PPP2R3A: variants seen among roughly 807,000 people sequenced by gnomAD.
PPP2R3A encodes the protein protein phosphatase 2 regulatory subunit B''alpha, also known as serine/threonine-protein phosphatase 2A regulatory subunit B'' subunit alpha.
PPP2R3A carries 80 observed loss-of-function variants against 106.9 expected under a neutral mutation model. The observed-to-expected ratio is 0.75, with a 90% CI of 0.62 to 0.90. The LOEUF (loss-of-function observed/expected upper bound fraction) is 0.90. Ranked by LOEUF, PPP2R3A falls within the 40% of genes least tolerant of loss-of-function variation. The pLI is 0.00. For synonymous variants in PPP2R3A, 483 were observed against 468.3 expected (o/e 1.03, Z -0.41); for missense variants, 1,386 against 1,350.4 (o/e 1.03, Z -0.41).
chr3:136,124,516 A>G (rs980544140), intron 13 of PPP2R3A, among the ~76,000 whole-genome samples: 1 of 152,122 alleles, frequency 6.6e-6, no homozygotes, highest in African/African-American at 2.4e-5. Flanking sequence ...GATGTTTTCT[A>G]AGCACCCTAA....
rs572057738 is a variant in PPP2R3A at position 136,002,608 on chromosome 3, A to G, written c.1110A>G (p.Pro370=). Residue 370 remains proline, a synonymous_variant, in exon 2 of 14, where the codon CCA becomes CCG. Transcript: ENST00000264977. ...AGATGGACACTGTACAATCCATTCC[A>G]AACAACTCCACAAATTCCTTATATA... ...SRKMDTVQSI[P]NNSTNSLYNL... 3.7e-6 allele frequency: 6 copies of G among 1,613,952 alleles called. No homozygotes were observed. In the East Asian group the frequency reaches 1.3e-4, roughly 36 times the overall value.
intron 3 of PPP2R3A, among the ~76,000 whole-genome samples, chr3:136,039,141 C>T (rs893050166): frequency 3.3e-4 from 51 of 152,282 alleles, no homozygotes; most frequent in African/African-American, 1.2e-3. Context: ...CCCCTGTGCA[C>T]TGAAGTCTCA....
At chr3:136,129,913 C>T (rs1938336074) in intron 13 of PPP2R3A, among the ~76,000 whole-genome samples, 1 of 152,148 alleles carries the variant, frequency 6.6e-6, no homozygotes, top group African/African-American at 2.4e-5. Flanking sequence ...ATGACAAAAA[C>T]CACACGATTA....
At chr3:136,010,197 CTATTTCTAT>C (rs1391958757) in intron 2 of PPP2R3A, among the ~76,000 whole-genome samples, 3 of 151,766 alleles carry the variant, frequency 2.0e-5, no homozygotes, top group Admixed American at 6.6e-5. Context: ...CCCTTTCCTT[CTATTTCTAT>C]TATTTCTATA....
Position 136,049,347 on chromosome 3 carries a change from A to G in PPP2R3A, c.2455A>G (p.Ile819Val). The G allele has an allele frequency of 2.5e-6, 4 of 1,610,820 alleles. No individual in the cohort carries two copies. Among genetic ancestry groups the G allele is most frequent in the Non-Finnish European group, 3.4e-6 (4 of 1,177,946 alleles). The change falls in exon 5 of 14, where the codon ATC becomes GTC. Residue 819 changes from isoleucine to valine, a missense_variant. Coordinates refer to ENST00000264977, the MANE Select transcript of PPP2R3A (RefSeq NM_002718.5). Reference sequence around the variant, plus strand: ...CAGCTCTCTAGAACAGGAGGATTTCATCCCTCTACTTCAGGTAATTTTCAT... The same window carrying G: ...CAGCTCTCTAGAACAGGAGGATTTCGTCCCTCTACTTCAGGTAATTTTCAT... The part of the protein sequence containing the change: ...NCSSLEQEDF[I>V]PLLQDVVDTH...
At chr3:136,048,399 G>A (rs1376132180) in intron 4 of PPP2R3A, among the ~76,000 whole-genome samples, 1 of 152,120 alleles carries the variant, frequency 6.6e-6, no homozygotes, top group Non-Finnish European at 1.5e-5. Context: ...TAGGCCAGGC[G>A]CCGTGGCTCA....
intron 1 of PPP2R3A, among the ~76,000 whole-genome samples, chr3:135,971,503 T>C (rs1937245403): frequency 6.6e-6 from 1 of 152,118 alleles, no homozygotes; most frequent in African/African-American, 2.4e-5. Context: ...GAACAGAAAA[T>C]ATAAGGGGTG....
intron 13 of PPP2R3A, chr3:136,106,660 G>A (rs967701437): frequency 3.8e-5 from 9 of 236,676 alleles, no homozygotes; most frequent in Admixed American, 1.1e-4. Flanking sequence ...GGTGGCTCAC[G>A]CCTGTAATCT....
At chr3:136,075,110 A>G (rs1345216586) in intron 6 of PPP2R3A, among the ~76,000 whole-genome samples, 2 of 152,206 alleles carry the variant, frequency 1.3e-5, no homozygotes, top group African/African-American at 4.8e-5. Flanking sequence ...AGAGCCATCA[A>G]ACATTTCCAT....
chr3:136,108,078 T>C (rs1240798707), intron 13 of PPP2R3A, among the ~76,000 whole-genome samples: 2 of 152,126 alleles, frequency 1.3e-5, no homozygotes, highest in African/African-American at 4.8e-5. Context: ...CCAGGTGTGA[T>C]GGTGTGTGCC....
intron 5 of PPP2R3A, among the ~76,000 whole-genome samples, chr3:136,060,323 T>C (rs184018939): frequency 6.6e-6 from 1 of 152,202 alleles, no homozygotes; most frequent in Non-Finnish European, 1.5e-5. Context: ...GGTAAACTCA[T>C]AGAAGTAAAG....
At chr3:136,111,322 G>A (rs868684973) in intron 13 of PPP2R3A, among the ~76,000 whole-genome samples, 9 of 152,090 alleles carry the variant, frequency 5.9e-5, no homozygotes, top group Middle Eastern at 3.2e-3. Context: ...AATGGTTAAA[G>A]TATGTCTGTT....
chr3:136,065,252 A>T (rs1277397452), intron 5 of PPP2R3A, among the ~76,000 whole-genome samples: 1 of 152,192 alleles, frequency 6.6e-6, no homozygotes, highest in Non-Finnish European at 1.5e-5. Context: ...TAAAGTTGAT[A>T]AAGTACTAAT....
intron 5 of PPP2R3A, among the ~76,000 whole-genome samples, chr3:136,070,087 T>C (rs1477118583): frequency 6.6e-6 from 1 of 152,212 alleles, no homozygotes; most frequent in Non-Finnish European, 1.5e-5. Flanking sequence ...GAGGATCATT[T>C]TCATTGGCTT....
chr3:136,050,086 A>G (rs1252570624), intron 5 of PPP2R3A, among the ~76,000 whole-genome samples: 1 of 152,204 alleles, frequency 6.6e-6, no homozygotes, highest in African/African-American at 2.4e-5. Context: ...CAATCCCATT[A>G]CCAGATTTCA....
intron 13 of PPP2R3A, among the ~76,000 whole-genome samples, chr3:136,133,011 A>G (rs896136799): frequency 6.6e-5 from 10 of 152,124 alleles, no homozygotes; most frequent in African/African-American, 1.4e-4. Context: ...AAGAACCCCA[A>G]TCCATATCTT....
At chr3:136,082,806 G>T (rs1373871809) in intron 8 of PPP2R3A, among the ~76,000 whole-genome samples, 1 of 152,248 alleles carries the variant, frequency 6.6e-6, no homozygotes, top group African/African-American at 2.4e-5. Context: ...AGCCAAGCAT[G>T]AAAATAATGT....
In PPP2R3A at chr3:136,027,954, T is replaced by G. The variant is rs77121034; in HGVS notation, c.2262+856T>G. Among the ~76,000 whole-genome samples, 1,404 of 152,278 alleles carry G rather than the reference T, an allele frequency of 9.2e-3. 10 individuals are homozygous for G. Among genetic ancestry groups the G allele is most frequent in the Non-Finnish European group, 0.014 (956 of 68,014 alleles). ...AGGGTTCCCCTGCTTTCAGGAGTAA[T>G]GTTAAAAAGTTGGAAAACTACCATT... On this transcript the variant is annotated intron_variant, in intron 3 of 13. Transcript: ENST00000264977.
intron 10 of PPP2R3A, among the ~76,000 whole-genome samples, chr3:136,099,117 GAA>G (rs1186536686): frequency 3.3e-5 from 5 of 152,120 alleles, no homozygotes; most frequent in African/African-American, 1.2e-4. Flanking sequence ...GCAAGAAACT[GAA>G]ATGCTTTTCT....
Sources: allele counts gnomAD v4.1 joint callset (sites outside exome capture counted in the v4.1 genomes callset), GRCh38; gene constraint gnomAD v4.1.1; transcripts MANE v1.5; gene names NCBI Gene and HGNC (gene_info 2026-07-23, HGNC 2026-07-21).